The following PPP4R1 variants were observed in gnomAD, a reference collection of about 807,000 sequenced individuals.
PPP4R1 encodes the protein protein phosphatase 4 regulatory subunit 1.
Under a neutral mutation model 111.2 loss-of-function variants are expected in PPP4R1, and 42 were observed. That is an observed-to-expected ratio of 0.38 (90% CI 0.29 to 0.49). The LOEUF (loss-of-function observed/expected upper bound fraction) is 0.49, where lower values mean the gene tolerates loss of function less well. Ranked by LOEUF, PPP4R1 falls within the 20% of genes least tolerant of loss-of-function variation. The pLI is 0.97. For synonymous variants in PPP4R1, 409 were observed against 405.5 expected, an observed-to-expected ratio of 1.01 and a Z score of -0.10; for missense variants, 1,012 against 1,161.6, an observed-to-expected ratio of 0.87 and a Z score of 1.87.
At chr18:9,601,280 T>C (rs966383545) in intron 2 of PPP4R1, among the ~76,000 whole-genome samples, 2 of 150,360 alleles carry the variant, frequency 1.3e-5, no homozygotes, top group African/African-American at 2.4e-5. Flanking sequence ...CCCAGCACTG[T>C]GGGAGGCTGA....
chr18:9,593,460 T>C (rs80285810), intron 4 of PPP4R1, among the ~76,000 whole-genome samples: 4,663 of 152,216 alleles, frequency 0.031, 206 homozygotes, highest in South Asian at 0.18. Context: ...CCATCTCTTT[T>C]AATGTATTCA....
chr18:9,574,450 T>C (rs533371790), intron 10 of PPP4R1, among the ~76,000 whole-genome samples: 11 of 152,366 alleles, frequency 7.2e-5, no homozygotes, highest in African/African-American at 1.7e-4. Flanking sequence ...AATGAAGTTT[T>C]AGCATTCATG....
Position 9,593,887 on chromosome 18 carries a change from A to T in PPP4R1, c.189-13T>A, listed in dbSNP as rs774391077. The T allele has an allele frequency of 6.2e-7, 1 of 1,603,428 alleles. No individual in the cohort carries two copies. Among genetic ancestry groups the T allele is most frequent in the Admixed American group, 1.7e-5 (1 of 59,904 alleles). Reference sequence around the variant, plus strand: ...GGCCACCATTTGTCTACACAAAAAAAACAAAATTATGTATGTTCAATGGCA... The same window carrying T: ...GGCCACCATTTGTCTACACAAAAAATACAAAATTATGTATGTTCAATGGCA... On this transcript the variant is annotated splice_polypyrimidine_tract_variant and intron_variant, in intron 3 of 19. Transcript: ENST00000400556.
intron 2 of PPP4R1, among the ~76,000 whole-genome samples, chr18:9,595,590 C>T (rs429903): frequency 0.8 from 121,369 of 152,178 alleles, 48,523 homozygotes; most frequent in Non-Finnish European, 0.81. Flanking sequence ...AATATATTTA[C>T]ATTCATTAAA....
chr18:9,614,989 C>G (rs1226438452), upstream of PPP4R1: 2 of 152,214 alleles, frequency 1.3e-5, no homozygotes, highest in Non-Finnish European at 2.9e-5. This position sits in a 1 kb window ranked among gnomAD's most constrained non-coding sequence, Gnocchi z 4.1. Context: ...CCGCTCGCAG[C>G]CAGCGCCCCA....
At chr18:9,582,519 C>A (rs2067046155) in intron 9 of PPP4R1, among the ~76,000 whole-genome samples, 1 of 152,082 alleles carries the variant, frequency 6.6e-6, no homozygotes, top group African/African-American at 2.4e-5. Context: ...AGTGAAGAGA[C>A]AGAATTAGGA....
chr18:9,580,116 T>C (rs983208748), intron 9 of PPP4R1, among the ~76,000 whole-genome samples: 4 of 152,316 alleles, frequency 2.6e-5, no homozygotes, highest in African/African-American at 9.6e-5. Context: ...TTAAGAGTCT[T>C]GCCCTCTATG....
chr18:9,601,982 C>T lies in PPP4R1; in HGVS notation c.53-6829G>A, dbSNP rs865809123. Among the ~76,000 whole-genome samples the T allele has an allele frequency of 5.9e-5, 9 of 152,094 alleles. No individual in the cohort carries two copies. The South Asian group carries it at 1.7e-3, about 28-fold the overall frequency. Reference sequence around the variant, plus strand: ...TATGTTACAATACAAATAAAGAGAACATCAGGAAGGAAGATGACAAGGGAA... The same window carrying T: ...TATGTTACAATACAAATAAAGAGAATATCAGGAAGGAAGATGACAAGGGAA... On this transcript the variant is annotated intron_variant, in intron 2 of 19. Coordinates refer to ENST00000400556, the MANE Select transcript of PPP4R1 (RefSeq NM_001042388.3).
intron 2 of PPP4R1, among the ~76,000 whole-genome samples, chr18:9,607,771 T>TTTTC (rs1184908649): frequency 6.6e-6 from 1 of 151,096 alleles, no homozygotes; most frequent in Non-Finnish European, 1.5e-5. Flanking sequence ...GTTTGGCAGT[T>TTTTC]TTTCTTTCTT....
At chr18:9,585,437 T>C (rs1258696038) in intron 6 of PPP4R1, among the ~76,000 whole-genome samples, 1 of 152,220 alleles carries the variant, frequency 6.6e-6, no homozygotes, top group Non-Finnish European at 1.5e-5. Context: ...GAGGATTAAC[T>C]TTATTTGAAA....
chr18:9,583,151 A>C lies in PPP4R1; in HGVS notation c.884T>G (p.Leu295Arg). 6.2e-7 allele frequency: 1 copy of C among 1,611,632 alleles called. No homozygotes were observed. The highest frequency in any genetic ancestry group is 8.5e-7 in the Non-Finnish European group (1 of 1,178,244). ...QEIRRTKLSA[L>R]FINLISDPSR... The stretch of plus-strand genomic sequence containing the variant: ...AGGATCACTGATCAAATTAATAAAA[A>C]GTGCTGATAATTTGGTCCGTCGGAT... The change falls in exon 9 of 20, where the codon CTT (leucine) becomes CGT (arginine). Residue 295 changes from leucine to arginine, a missense_variant. Physicochemically the swap from Leu to Arg is moderately radical, Grantham distance 102 (BLOSUM62 -2). Transcript: ENST00000400556.
intron 2 of PPP4R1, among the ~76,000 whole-genome samples, chr18:9,602,764 C>A (rs140066181): frequency 1.3e-5 from 2 of 149,002 alleles, no homozygotes; most frequent in African/African-American, 5.0e-5. Context: ...GAAGTTGCAG[C>A]GAGCTGAAAT....
At position 9,570,321 on chromosome 18, in the gene PPP4R1, A is replaced by G; in HGVS notation, c.1409T>C (p.Ile470Thr). 1 of 1,612,082 alleles carries G rather than the reference A, an allele frequency of 6.2e-7. No individual in the cohort carries two copies. Among genetic ancestry groups the G allele is most frequent in the Non-Finnish European group, 8.5e-7 (1 of 1,179,234 alleles). ...RTPLPEIDLD[I>T]ELEQNSGGKP... is the part of the protein sequence containing the mutation. ...TCCCCCAGAGTTCTGTTCAAGCTCT[A>G]TGTCTAGATCTATTTCAGGAAGAGG... is the stretch of plus-strand genomic sequence containing the variant. The change falls in exon 11 of 20, where the codon ATA becomes ACA. Residue 470 changes from isoleucine (I) to threonine (T), a missense_variant. Physicochemically the swap from Ile to Thr is moderately conservative, Grantham distance 89. Around this residue, in one of 2 missense-constraint regions of PPP4R1, gnomAD observed 707 missense variants for 742.1 expected, o/e 0.95. Transcript: ENST00000400556.
chr18:9,559,295 T>C lies in PPP4R1; in HGVS notation c.2028+124A>G, dbSNP rs188151081. ...CTGTTATTACTCTTAAGCTCTTCCA[T>C]ACATAATTTCCTATAACACTAAGAA... On this transcript the variant is annotated intron_variant, in intron 14 of 19. Transcript: ENST00000400556. The C allele has an allele frequency of 2.4e-5, 23 of 978,088 alleles. No homozygotes were observed. In the East Asian group the frequency reaches 6.2e-4, roughly 26 times the overall value. The allele number at this position is 978,088 out of a possible 1,614,324, so 60.6% of individuals were successfully genotyped here. A position where few individuals can be genotyped will look rare whatever the true frequency, so the allele number is the denominator to read the frequency against.
chr18:9,563,657 T>C, intron 11 of PPP4R1, 107 bp from the exon 12 acceptor site: 1 of 1,053,616 alleles, frequency 9.5e-7, no homozygotes, highest in Non-Finnish European at 1.3e-6. Context: ...ATATACTTTT[T>C]TGACACTGCA....
intron 2 of PPP4R1, among the ~76,000 whole-genome samples, chr18:9,604,544 T>C (rs1411802251): frequency 6.6e-6 from 1 of 152,198 alleles, no homozygotes; most frequent in African/African-American, 2.4e-5. Context: ...TTCTGTCTTA[T>C]GTGGTTTCAT....
chr18:9,606,564 A>C (rs1275251298), intron 2 of PPP4R1, among the ~76,000 whole-genome samples: 1 of 152,158 alleles, frequency 6.6e-6, no homozygotes, highest in African/African-American at 2.4e-5. Context: ...CTTCCTTCAA[A>C]TATCAATACT....
intron 10 of PPP4R1, among the ~76,000 whole-genome samples, chr18:9,571,040 TAAC>T (rs1264911960): frequency 2.0e-5 from 3 of 152,172 alleles, no homozygotes; most frequent in Admixed American, 6.5e-5. Flanking sequence ...TTAAGATACA[TAAC>T]AACATTTAAA....
chr18:9,576,900 G>A (rs527563927), intron 10 of PPP4R1, among the ~76,000 whole-genome samples, 164 bp downstream of exon 10: 216 of 129,960 alleles, frequency 1.7e-3, no homozygotes, highest in African/African-American at 6.6e-3. Flanking sequence ...AAACAAATGC[G>A]CTTAAAGTAA....
Sources: gnomAD v4.1 joint callset for allele counts (sites outside exome capture counted in the v4.1 genomes callset) on GRCh38, gnomAD v4.1.1 for gene constraint, gnomAD v4.1.1 regional missense constraint, Gnocchi (gnomAD v3.1) non-coding constraint, MANE v1.5 for transcripts, NCBI Gene and HGNC (gene_info 2026-07-23, HGNC 2026-07-21) for gene names.